Variants in GABPB2 observed in about 807,000 individuals in gnomAD.
GABPB2 encodes the protein GA-binding protein subunit beta-2.
A neutral mutation model predicts 39.1 loss-of-function variants in GABPB2; 23 were observed. The ratio of observed to expected loss-of-function variants is 0.59; its 90% CI spans 0.42 to 0.83. The LOEUF (loss-of-function observed/expected upper bound fraction) is 0.83. Among genes scored for constraint, GABPB2 ranks in the 40% least tolerant of loss-of-function variants. The pLI is 0.00. For missense variants in GABPB2, 467 were observed against 541.1 expected (o/e 0.86, Z 1.36); for synonymous variants, 184 against 199.3 (o/e 0.92, Z 0.65).
intron 2 of GABPB2, among the ~76,000 whole-genome samples, chr1:151,088,795 G>A (rs1309350616): frequency 6.6e-6 from 1 of 152,204 alleles, no homozygotes; most frequent in Non-Finnish European, 1.5e-5. Flanking sequence ...GAGGTCAGGA[G>A]TTCGAGACCA....
At chr1:151,088,806 G>A (rs1403711438) in intron 2 of GABPB2, among the ~76,000 whole-genome samples, 1 of 152,068 alleles carries the variant, frequency 6.6e-6, no homozygotes, top group African/African-American at 2.4e-5. Context: ...TTCGAGACCA[G>A]CCTGCTAACA....
chr1:151,093,278 G>C lies in GABPB2; in HGVS notation c.363G>C (p.Glu121Asp), dbSNP rs752731005. The part of the protein sequence containing the change: ...ATERHHRDVV[E>D]LLIKYGADVH... ...AGCGCCACCATCGAGATGTCGTAGA[G>C]TTACTTATCAAATATGGAGCTGATG... is the stretch of plus-strand genomic sequence containing the variant. The change falls in exon 4 of 9, where the codon GAG becomes GAC. Residue 121 changes from glutamate (E) to aspartate (D), a missense_variant. Transcript: ENST00000368918. The C allele has an allele frequency of 8.7e-6, 14 of 1,613,362 alleles. No individual in the cohort carries two copies. Among genetic ancestry groups the C allele is most frequent in the Non-Finnish European group, 1.2e-5 (14 of 1,179,744 alleles).
At chr1:151,094,789 C>G (rs2101507509) in intron 4 of GABPB2, among the ~76,000 whole-genome samples, 1 of 150,476 alleles carries the variant, frequency 6.6e-6, no homozygotes, top group African/African-American at 2.4e-5. Context: ...GGTGGATCAC[C>G]TGAGGTCAGG....
intron 1 of GABPB2, among the ~76,000 whole-genome samples, chr1:151,075,031 A>G (rs1051150250): frequency 4.6e-5 from 7 of 151,922 alleles, no homozygotes; most frequent in Non-Finnish European, 1.0e-4. Context: ...AATTCCAGCT[A>G]CTCGGGAGGG....
intron 1 of GABPB2, chr1:151,073,119 A>C (rs587684342): frequency 2.6e-5 from 4 of 152,052 alleles, no homozygotes. Flanking sequence ...GGCTTAAGCT[A>C]TCCTCCCGCC....
intron 1 of GABPB2, among the ~76,000 whole-genome samples, chr1:151,085,367 A>G (rs1414167542): frequency 6.6e-6 from 1 of 152,232 alleles, no homozygotes; most frequent in Non-Finnish European, 1.5e-5. Flanking sequence ...ATTGCACTCC[A>G]GCCTGGGTGA....
At chr1:151,106,991 T>C in intron 6 of GABPB2, 46 bp from the exon 7 acceptor site, 3 of 1,422,710 alleles carry the variant, frequency 2.1e-6, no homozygotes, top group South Asian at 1.3e-5. Context: ...TATACTCCTA[T>C]GTTTTTAAAA....
At position 151,086,245 on chromosome 1, in the gene GABPB2, CA is replaced by C. The variant is rs796966714; in HGVS notation, c.1-1933del. Among the ~76,000 whole-genome samples, 1,293 of 133,254 alleles carry C rather than the reference CA, an allele frequency of 9.7e-3. 17 individuals are homozygous for C. Among genetic ancestry groups the C allele is most frequent in the African/African-American group, 0.031 (1,134 of 36,228 alleles). The allele number at this position is 133,254 out of a possible 152,430, so 87.4% of individuals were successfully genotyped here. ...TGGGTGACAGAGTGAAACCCTGTCT[CA>C]AAAAAAAAAAAGTGCTTTATGTATA... On this transcript the variant is annotated intron_variant, in intron 1 of 8. Coordinates refer to ENST00000368918, the MANE Select transcript of GABPB2 (RefSeq NM_144618.3).
intron 1 of GABPB2, among the ~76,000 whole-genome samples, chr1:151,071,541 C>T (rs1297282654): frequency 6.6e-6 from 1 of 150,720 alleles, no homozygotes; most frequent in East Asian, 1.9e-4. Context: ...CAACCTGCAG[C>T]TCACTGCAAC....
chr1:151,094,843 C>T (rs1678989379), intron 4 of GABPB2, among the ~76,000 whole-genome samples: 1 of 150,836 alleles, frequency 6.6e-6, no homozygotes, highest in African/African-American at 2.4e-5. Context: ...CCCGTCTCTA[C>T]TAAAAATGCA....
At chr1:151,106,666 G>C (rs756354097) in intron 6 of GABPB2, among the ~76,000 whole-genome samples, 4 of 152,292 alleles carry the variant, frequency 2.6e-5, no homozygotes, top group Middle Eastern at 6.8e-3. Flanking sequence ...CTCTGTTGGA[G>C]AATCACACCC....
At chr1:151,076,951 A>G (rs1026416591) in intron 1 of GABPB2, among the ~76,000 whole-genome samples, 1 of 151,150 alleles carries the variant, frequency 6.6e-6, no homozygotes, top group African/African-American at 2.4e-5. Context: ...CTGCCACCAC[A>G]CCCGGCTAAT....
In GABPB2 at chr1:151,118,441, C is replaced by T; in HGVS notation, c.*185C>T. 1 of 535,734 alleles carries T rather than the reference C, an allele frequency of 1.9e-6. No homozygotes were observed. 33.2% of individuals were successfully genotyped at this position (535,734 alleles called of 1,614,324 possible). ...AAAATTCAAAGCCATATTTAGGGAACATTTTTTCTGAGGGGCCAAAAGAAT... is the reference window on the plus strand; with the variant it reads ...AAAATTCAAAGCCATATTTAGGGAATATTTTTTCTGAGGGGCCAAAAGAAT... On this transcript the variant is annotated 3_prime_UTR_variant, in exon 9 of 9. Transcript: ENST00000368918.
intron 1 of GABPB2, among the ~76,000 whole-genome samples, chr1:151,078,845 GTA>G (rs1373379212): frequency 6.6e-6 from 1 of 151,444 alleles, no homozygotes; most frequent in Non-Finnish European, 1.5e-5. Context: ...GTAAAATTTT[GTA>G]TTTTAGTAGG....
chr1:151,084,488 A>T (rs915998474), intron 1 of GABPB2, among the ~76,000 whole-genome samples: 9 of 148,388 alleles, frequency 6.1e-5, no homozygotes, highest in South Asian at 2.1e-4. Context: ...GACCTCCCAA[A>T]GTGCTGGGAT....
Position 151,097,842 on chromosome 1 carries a change from TG to T in GABPB2, c.472-9del. 1 of 1,612,100 alleles carries T rather than the reference TG, an allele frequency of 6.2e-7. No homozygotes were observed. Among genetic ancestry groups the T allele is most frequent in the Non-Finnish European group, 8.5e-7 (1 of 1,179,038 alleles). On this transcript the variant is annotated splice_polypyrimidine_tract_variant and intron_variant, in intron 4 of 8. Coordinates refer to ENST00000368918, the MANE Select transcript of GABPB2 (RefSeq NM_144618.3). ...GTGTTCTGATTGAAATATCCTGCCT[TG>T]TTTGATAGGAAGCAATGCAGAATCA...
rs879258468 is a variant in GABPB2, at chr1:151,111,582, C to A, written c.922+4360C>A. 1.8e-4 allele frequency among the ~76,000 whole-genome samples: 28 copies of A among 151,954 alleles called. 1 individual carries two copies. Among genetic ancestry groups the A allele is most frequent in the Non-Finnish European group, 3.2e-4 (22 of 67,994 alleles). ...GGACTACAGGCGCCTGCCACCACGC[C>A]CGGCTAATTTTTTTTGTATTTTTAG... On this transcript the variant is annotated intron_variant, in intron 7 of 8. Transcript: ENST00000368918.
intron 5 of GABPB2, among the ~76,000 whole-genome samples, chr1:151,099,097 AAAAAG>A (rs1169323707): frequency 6.6e-5 from 10 of 151,880 alleles, no homozygotes; most frequent in East Asian, 3.8e-4. Context: ...AAAAAAAAAA[AAAAAG>A]AAAGAAAGAA....
chr1:151,089,803 GT>G (rs144983558), intron 2 of GABPB2, among the ~76,000 whole-genome samples: 170 of 151,756 alleles, frequency 1.1e-3, no homozygotes, highest in Non-Finnish European at 2.1e-3. Flanking sequence ...TCCTTTTTTT[GT>G]TTGTTTTAAC....
Sources: allele counts gnomAD v4.1 joint callset (sites outside exome capture counted in the v4.1 genomes callset), GRCh38; gene constraint gnomAD v4.1.1; transcripts MANE v1.5; gene names NCBI Gene and HGNC (gene_info 2026-07-23, HGNC 2026-07-21).